The following RASGRF2 variants were observed in gnomAD, a reference collection of about 807,000 sequenced individuals.
The protein encoded by RASGRF2 is Ras protein specific guanine nucleotide releasing factor 2.
A neutral mutation model predicts 151.0 loss-of-function variants in RASGRF2; 76 were observed. The ratio of observed to expected loss-of-function variants is 0.50; its 90% CI spans 0.42 to 0.61. The LOEUF is 0.61. RASGRF2 is among the 20% of genes least tolerant of loss of function. The probability of loss-of-function intolerance (pLI) is 0.00; values close to 1 mark genes in which losing one functional copy is unlikely to be tolerated. For missense variants in RASGRF2, 1,148 were observed against 1,564.6 expected (o/e 0.73, Z 4.49); for synonymous variants, 504 against 566.5 (o/e 0.89, Z 1.57).
chr5:81,157,904 T>C (rs1474970238), intron 17 of RASGRF2, among the ~76,000 whole-genome samples: 1 of 152,142 alleles, frequency 6.6e-6, no homozygotes. Context: ...GAGATTTGGG[T>C]GGGGACACAG....
chr5:80,969,599 C>T (rs1007344344), intron 1 of RASGRF2, among the ~76,000 whole-genome samples: 1 of 151,204 alleles, frequency 6.6e-6, no homozygotes, highest in Non-Finnish European at 1.5e-5. Context: ...CAGGCACCCG[C>T]CACCACGCCC....
At chr5:81,187,666 G>C (rs775209429) in intron 18 of RASGRF2, among the ~76,000 whole-genome samples, 6 of 152,350 alleles carry the variant, frequency 3.9e-5, no homozygotes, top group Middle Eastern at 3.4e-3. Context: ...TGGGGCTGCA[G>C]TCCCAGATCT....
At chr5:80,999,435 T>C (rs1277068016) in intron 1 of RASGRF2, among the ~76,000 whole-genome samples, 1 of 152,174 alleles carries the variant, frequency 6.6e-6, no homozygotes, top group Admixed American at 6.5e-5. Flanking sequence ...CTCAACCTCC[T>C]GGGCTCAGGC....
At chr5:81,128,466 G>A (rs1202532561) in intron 17 of RASGRF2, among the ~76,000 whole-genome samples, 2 of 152,178 alleles carry the variant, frequency 1.3e-5, no homozygotes, top group African/African-American at 2.4e-5. Context: ...GCGATCTGTG[G>A]GTTACAGCTC....
At chr5:81,058,010 A>G (rs1208260035) in intron 2 of RASGRF2, among the ~76,000 whole-genome samples, 1 of 151,988 alleles carries the variant, frequency 6.6e-6, no homozygotes, top group Non-Finnish European at 1.5e-5. Context: ...ATAATTAATT[A>G]ATTAATTAAT....
chr5:80,967,686 G>T (rs1336138468), intron 1 of RASGRF2, among the ~76,000 whole-genome samples: 1 of 152,132 alleles, frequency 6.6e-6, no homozygotes, highest in Admixed American at 6.5e-5. Context: ...TGTAAACAGT[G>T]GGGTCAGTTC....
At chr5:81,219,270 G>T (rs1241849732) in intron 25 of RASGRF2, among the ~76,000 whole-genome samples, 1 of 151,922 alleles carries the variant, frequency 6.6e-6, no homozygotes, top group African/African-American at 2.4e-5. Flanking sequence ...GTAGAGACAG[G>T]GTTTCGCTGT....
intron 17 of RASGRF2, among the ~76,000 whole-genome samples, chr5:81,161,997 C>T (rs998197026): frequency 6.6e-6 from 1 of 151,678 alleles, no homozygotes; most frequent in Non-Finnish European, 1.5e-5. Context: ...GCCAGGCAAG[C>T]ATAGACTGAG....
chr5:81,206,776 G>A, intron 19 of RASGRF2, 69 bp from the exon 20 acceptor site: 1 of 1,364,356 alleles, frequency 7.3e-7, no homozygotes, highest in South Asian at 1.2e-5. Flanking sequence ...AAACCAAACT[G>A]CATTTGTAGT....
intron 2 of RASGRF2, among the ~76,000 whole-genome samples, chr5:81,056,229 G>A (rs529173319): frequency 9.3e-4 from 142 of 152,102 alleles, no homozygotes; most frequent in African/African-American, 2.7e-3. Context: ...TAGGGTGTCA[G>A]TTTTAGATCT....
At chr5:81,225,580 G>A in intron 26 of RASGRF2, 98 bp from the exon 27 acceptor site, 2 of 1,377,308 alleles carry the variant, frequency 1.5e-6, no homozygotes, top group South Asian at 1.5e-5. Flanking sequence ...ATTTTTAGTT[G>A]TTTAAGAGAA....
At chr5:81,130,146 C>T (rs530259323) in intron 17 of RASGRF2, among the ~76,000 whole-genome samples, 9 of 152,330 alleles carry the variant, frequency 5.9e-5, no homozygotes, top group African/African-American at 1.9e-4. Flanking sequence ...CCTTCTTCAG[C>T]GAGCTGGCTC....
At chr5:81,171,174 G>A (rs560414277) in intron 17 of RASGRF2, among the ~76,000 whole-genome samples, 10 of 152,206 alleles carry the variant, frequency 6.6e-5, no homozygotes, top group South Asian at 4.1e-4. Context: ...ATACGCAGGC[G>A]CATGCTCATT....
chr5:81,079,929 A>G (rs558378125), intron 5 of RASGRF2, among the ~76,000 whole-genome samples, 192 bp from the exon 6 acceptor site: 7 of 152,132 alleles, frequency 4.6e-5, no homozygotes, highest in Non-Finnish European at 8.8e-5. Flanking sequence ...TTTGAATGTT[A>G]TATCAGGGTT....
At chr5:81,177,011 C>T (rs188618856) in intron 17 of RASGRF2, among the ~76,000 whole-genome samples, 367 of 152,238 alleles carry the variant, frequency 2.4e-3, no homozygotes, top group Middle Eastern at 6.8e-3. Flanking sequence ...TCCCATCTCC[C>T]CATTCCCACT....
intron 5 of RASGRF2, among the ~76,000 whole-genome samples, chr5:81,075,566 G>T (rs1223815105): frequency 6.6e-6 from 1 of 152,126 alleles, no homozygotes; most frequent in Non-Finnish European, 1.5e-5. Flanking sequence ...TTTGTTGATG[G>T]GTTTGATGTG....
At chr5:81,177,071 C>G (rs1218651512) in intron 17 of RASGRF2, among the ~76,000 whole-genome samples, 2 of 152,128 alleles carry the variant, frequency 1.3e-5, no homozygotes, top group Non-Finnish European at 2.9e-5. Flanking sequence ...ATGTTACAAT[C>G]CCAACACCAT....
intron 1 of RASGRF2, among the ~76,000 whole-genome samples, chr5:81,032,971 G>A (rs868042293): frequency 5.4e-4 from 82 of 152,254 alleles, no homozygotes; most frequent in Non-Finnish European, 9.7e-4. Flanking sequence ...AAATCAATGT[G>A]CAAAAATCAC....
intron 5 of RASGRF2, among the ~76,000 whole-genome samples, chr5:81,077,804 A>G (rs1487653222): frequency 6.6e-6 from 1 of 152,216 alleles, no homozygotes; most frequent in Non-Finnish European, 1.5e-5. Flanking sequence ...TGCTATAAAG[A>G]GGAACAGAGA....
Sources: gnomAD v4.1 joint callset for allele counts (sites outside exome capture counted in the v4.1 genomes callset) on GRCh38, gnomAD v4.1.1 for gene constraint, MANE v1.5 for transcripts, NCBI Gene and HGNC (gene_info 2026-07-23, HGNC 2026-07-21) for gene names.